The following NDST3 variants were observed in gnomAD, a reference collection of about 807,000 sequenced individuals.
NDST3 encodes the protein N-deacetylase and N-sulfotransferase 3, also known as bifunctional heparan sulfate N-deacetylase/N-sulfotransferase 3.
In NDST3, 58 loss-of-function variants were observed where a neutral mutation model predicts 96.1. The ratio of observed to expected loss-of-function variants is 0.60; its 90% CI spans 0.49 to 0.75. The LOEUF is 0.75. NDST3 is among the 30% of genes least tolerant of loss of function. The pLI, the probability that NDST3 is intolerant of heterozygous loss-of-function variation, is 0.00. For synonymous variants in NDST3, 333 were observed against 359.7 expected, an observed-to-expected ratio of 0.93 and a Z score of 0.84; for missense variants, 788 against 1,034.2, an observed-to-expected ratio of 0.76 and a Z score of 3.27.
At chr4:118,115,880 G>T (rs1474727777) in intron 4 of NDST3, among the ~76,000 whole-genome samples, 1 of 151,866 alleles carries the variant, frequency 6.6e-6, no homozygotes, top group East Asian at 1.9e-4. Flanking sequence ...TGGCATCAGG[G>T]GCCCATATTT....
In NDST3 at chr4:118,251,743, CTT is replaced by C. The variant is rs543378245; in HGVS notation, c.2400-1754_2400-1753del. Reference sequence around the variant, plus strand: ...ATAGTATGAGATCTCCAAATTTGCTCTTTGTTTTCAAATTGTTTTAGCTTGTC... The same window carrying C: ...ATAGTATGAGATCTCCAAATTTGCTCTGTTTTCAAATTGTTTTAGCTTGTC... On this transcript the variant is annotated intron_variant, in intron 12 of 13. Transcript: ENST00000296499. Among the ~76,000 whole-genome samples the C allele has an allele frequency of 4.9e-4, 75 of 152,252 alleles. No homozygotes were observed. The South Asian group carries it at 5.4e-3, about 11-fold the overall frequency.
At chr4:118,246,196 A>C (rs1015199537) in intron 12 of NDST3, among the ~76,000 whole-genome samples, 1 of 152,222 alleles carries the variant, frequency 6.6e-6, no homozygotes, top group Admixed American at 6.5e-5. Flanking sequence ...ATAACATTGA[A>C]ATACCACTAC....
At chr4:118,133,941 G>C (rs561375898) in intron 4 of NDST3, among the ~76,000 whole-genome samples, 1 of 152,290 alleles carries the variant, frequency 6.6e-6, no homozygotes, top group East Asian at 1.9e-4. Flanking sequence ...TAATGAAAAA[G>C]AGAGATATTA....
intron 6 of NDST3, among the ~76,000 whole-genome samples, chr4:118,201,908 TAC>T (rs1223443305): frequency 2.0e-4 from 31 of 152,308 alleles, no homozygotes; most frequent in African/African-American, 7.5e-4. Flanking sequence ...CCAGGATCTT[TAC>T]AGTTTGAGGA....
intron 5 of NDST3, among the ~76,000 whole-genome samples, chr4:118,139,180 A>G (rs1032349375): frequency 6.6e-6 from 1 of 152,170 alleles, no homozygotes; most frequent in East Asian, 1.9e-4. Context: ...CGGGGACATA[A>G]TGGCCACATT....
chr4:118,163,366 G>A (rs969964590), intron 6 of NDST3, among the ~76,000 whole-genome samples: 1 of 152,136 alleles, frequency 6.6e-6, no homozygotes, highest in African/African-American at 2.4e-5. Context: ...GTCCAATAAT[G>A]ATAGACTGGA....
intron 6 of NDST3, among the ~76,000 whole-genome samples, chr4:118,167,004 CAT>C (rs1419644942): frequency 6.6e-6 from 1 of 151,252 alleles, no homozygotes; most frequent in African/African-American, 2.4e-5. Flanking sequence ...CCACTGTGAT[CAT>C]TTCTATTCAA....
chr4:118,132,713 A>G (rs545809461), intron 4 of NDST3, among the ~76,000 whole-genome samples: 246 of 152,326 alleles, frequency 1.6e-3, no homozygotes, highest in African/African-American at 5.7e-3. Context: ...CAAGGCTCAC[A>G]GCATACTCCC....
chr4:118,188,295 TTA>T (rs1445331999), intron 6 of NDST3, among the ~76,000 whole-genome samples: 3 of 148,116 alleles, frequency 2.0e-5, no homozygotes, highest in African/African-American at 7.4e-5. Flanking sequence ...GATATATTTA[TTA>T]TATATTATTA....
chr4:118,157,374 G>C (rs185743723), intron 6 of NDST3, among the ~76,000 whole-genome samples: 1 of 151,348 alleles, frequency 6.6e-6, no homozygotes, highest in East Asian at 1.9e-4. Context: ...AAAAGTAAGG[G>C]GGTGAGTGGG....
At chr4:118,056,440 T>G (rs1442731783) in intron 2 of NDST3, among the ~76,000 whole-genome samples, 1 of 151,992 alleles carries the variant, frequency 6.6e-6, no homozygotes, top group Non-Finnish European at 1.5e-5. Flanking sequence ...TGCTCATATT[T>G]AGATAGAAAT....
intron 6 of NDST3, among the ~76,000 whole-genome samples, chr4:118,220,977 A>G (rs1739502345): frequency 6.6e-6 from 1 of 152,078 alleles, no homozygotes. Flanking sequence ...AACTGGGTCT[A>G]GCCAGGCTTT....
At chr4:118,131,096 G>A (rs886267756) in intron 4 of NDST3, among the ~76,000 whole-genome samples, 2 of 152,050 alleles carry the variant, frequency 1.3e-5, no homozygotes, top group Non-Finnish European at 2.9e-5. Context: ...TCTTGTACTC[G>A]AATGTTGATC....
intron 12 of NDST3, among the ~76,000 whole-genome samples, chr4:118,243,877 G>A (rs1482619301): frequency 1.3e-5 from 2 of 152,328 alleles, no homozygotes; most frequent in East Asian, 1.9e-4. Context: ...AGAAAAGGCA[G>A]TGTAAACTTA....
intron 3 of NDST3, 116 bp from the exon 4 acceptor site, chr4:118,114,690 A>T: frequency 1.7e-6 from 2 of 1,150,022 alleles, no homozygotes; most frequent in Non-Finnish European, 1.2e-6. Flanking sequence ...TACGTAAAAC[A>T]GAATAAATGA....
chr4:118,063,139 G>A (rs1055170003), intron 2 of NDST3, among the ~76,000 whole-genome samples: 2 of 146,886 alleles, frequency 1.4e-5, no homozygotes, highest in East Asian at 2.0e-4. Context: ...GCAGTGAGCC[G>A]AGATCTCACC....
At chr4:118,041,673 T>C (rs940828565) in intron 1 of NDST3, among the ~76,000 whole-genome samples, 3 of 152,210 alleles carry the variant, frequency 2.0e-5, no homozygotes, top group Non-Finnish European at 4.4e-5. Context: ...TCTGTACTTA[T>C]TCAGAGTACC....
intron 4 of NDST3, among the ~76,000 whole-genome samples, chr4:118,117,990 G>A (rs899920173): frequency 6.6e-6 from 1 of 152,170 alleles, no homozygotes; most frequent in Non-Finnish European, 1.5e-5. Flanking sequence ...TCTCTAAAAT[G>A]TTGGAGGGGG....
chr4:118,172,577 G>A (rs1464562795), intron 6 of NDST3, among the ~76,000 whole-genome samples: 1 of 152,040 alleles, frequency 6.6e-6, no homozygotes, highest in Non-Finnish European at 1.5e-5. Flanking sequence ...AAAACAAAAT[G>A]TCATTAAAAT....
Sources: allele counts gnomAD v4.1 joint callset (sites outside exome capture counted in the v4.1 genomes callset), GRCh38; gene constraint gnomAD v4.1.1; transcripts MANE v1.5; gene names NCBI Gene and HGNC (gene_info 2026-07-23, HGNC 2026-07-21).